Variants in ACTN4 observed in about 807,000 individuals in gnomAD.
ACTN4 encodes actinin alpha 4.
Under a neutral mutation model 114.2 loss-of-function variants are expected in ACTN4, and 18 were observed. The observed-to-expected ratio is 0.16, with a 90% CI of 0.11 to 0.23. The LOEUF (loss-of-function observed/expected upper bound fraction) is 0.23, where lower values mean the gene tolerates loss of function less well. ACTN4 is among the 10% of genes least tolerant of loss of function. The pLI is 1.00. For synonymous variants in ACTN4, 515 were observed against 506.3 expected, an observed-to-expected ratio of 1.02 and a Z score of -0.23; for missense variants, 722 against 1,262.9, an observed-to-expected ratio of 0.57 and a Z score of 6.49.
intron 1 of ACTN4, among the ~76,000 whole-genome samples, chr19:38,673,822 A>C (rs1209057441): frequency 4.4e-5 from 5 of 113,664 alleles, no homozygotes. Flanking sequence ...AGTCTCTATC[A>C]CCCAGGCTGG....
Position 38,708,113 on chromosome 19 carries a change from C to G in ACTN4, c.573-4C>G, listed in dbSNP as rs2145022669. The G allele has an allele frequency of 1.2e-6, 2 of 1,614,178 alleles. No individual in the cohort carries two copies. The highest frequency in any genetic ancestry group is 1.7e-6 in the Non-Finnish European group (2 of 1,179,992). On this transcript the variant is annotated splice_region_variant and splice_polypyrimidine_tract_variant and intron_variant, in intron 5 of 20. Coordinates refer to ENST00000252699, the MANE Select transcript of ACTN4 (RefSeq NM_004924.6). ...TCCTATAACCTTTGCCTTTCCTTCC[C>G]CAGCTGGAAGGATGGTCTTGCCTTC...
At chr19:38,722,252 G>A (rs1223400524) in intron 12 of ACTN4, among the ~76,000 whole-genome samples, 4 of 152,206 alleles carry the variant, frequency 2.6e-5, no homozygotes, top group African/African-American at 9.7e-5. Context: ...CACCAGTGCA[G>A]CGGCCAGCAG....
At chr19:38,716,672 A>G (rs193047785) in intron 9 of ACTN4, among the ~76,000 whole-genome samples, 2 of 152,320 alleles carry the variant, frequency 1.3e-5, no homozygotes, top group Admixed American at 1.3e-4. Context: ...TTCTCTATAA[A>G]AACTTAAAAT....
chr19:38,700,934 C>T lies in ACTN4; in HGVS notation c.278-68C>T, dbSNP rs1968251498. The T allele has an allele frequency of 3.1e-5, 50 of 1,593,880 alleles. 3 individuals are homozygous for T. In the South Asian group the frequency reaches 3.8e-4, roughly 12 times the overall value. On this transcript the variant is annotated intron_variant, in intron 2 of 20. Transcript: ENST00000252699. ...ACAGAGGAGACTCTAAAGCCTCTCT[C>T]CCTCTCGCCCTCTCTCCCTTTCTCT...
intron 19 of ACTN4, 110 bp from the exon 20 acceptor site, chr19:38,728,886 G>T: frequency 7.1e-7 from 1 of 1,399,796 alleles, no homozygotes; most frequent in Non-Finnish European, 1.0e-6. Context: ...CGCACACGTG[G>T]GTTGGGCCCT....
At position 38,731,305 on chromosome 19, in the gene ACTN4, G is replaced by A; in HGVS notation, c.*1873G>A. The A allele has an allele frequency of 9.4e-7, 1 of 1,064,848 alleles. No individual in the cohort carries two copies. The highest frequency in any genetic ancestry group is 1.4e-6 in the Non-Finnish European group (1 of 692,260). The allele number at this position is 1,064,848 out of a possible 1,614,324, so 66.0% of individuals were successfully genotyped here. On this transcript the variant is annotated 3_prime_UTR_variant, in exon 21 of 21. Transcript: ENST00000252699. ...CATCCCCACCCCACCTCCTCAGGGAGGACATGAATGCCACAGGGTGTCACA... is the reference window on the plus strand; with the variant it reads ...CATCCCCACCCCACCTCCTCAGGGAAGACATGAATGCCACAGGGTGTCACA...
chr19:38,700,805 A>T (rs1296779951), intron 2 of ACTN4, 91 bp downstream of exon 2: 1 of 1,409,542 alleles, frequency 7.1e-7, no homozygotes, highest in African/African-American at 1.4e-5. Flanking sequence ...CAGCTGTCCC[A>T]TTGCTCCTGG....
At chr19:38,648,193 A>G (rs567981525) in intron 1 of ACTN4, 42 of 314,748 alleles carry the variant, frequency 1.3e-4, no homozygotes, top group Middle Eastern at 8.6e-4. Flanking sequence ...TGGGCGTGCC[A>G]TTAGGGGAAA....
At chr19:38,648,919 A>G (rs539232070) in intron 1 of ACTN4, among the ~76,000 whole-genome samples, 1 of 151,848 alleles carries the variant, frequency 6.6e-6, no homozygotes, top group South Asian at 2.1e-4. Context: ...ATAATGGGAG[A>G]GAGGTTCGTT....
In ACTN4 at chr19:38,710,059, G is replaced by A. The variant is rs574704708; in HGVS notation, c.734-198G>A. Among the ~76,000 whole-genome samples the A allele has an allele frequency of 7.2e-5, 11 of 152,148 alleles. No individual in the cohort carries two copies. In the East Asian group the frequency reaches 1.6e-3, roughly 21 times the overall value. On this transcript the variant is annotated intron_variant, in intron 7 of 20. Coordinates refer to ENST00000252699, the MANE Select transcript of ACTN4 (RefSeq NM_004924.6). ...AGAGGAAGTGGCCTCATTTTAATCCGCTTCCCACAGCCTTGTCCTTTCCAG... is the reference window on the plus strand; with the variant it reads ...AGAGGAAGTGGCCTCATTTTAATCCACTTCCCACAGCCTTGTCCTTTCCAG...
chr19:38,721,709 C>T, intron 12 of ACTN4, 21 bp downstream of exon 12: 6 of 1,609,870 alleles, frequency 3.7e-6, no homozygotes, highest in Non-Finnish European at 5.1e-6. Context: ...GCTCAGGACA[C>T]TATCATCACC....
intron 1 of ACTN4, among the ~76,000 whole-genome samples, chr19:38,679,388 C>G (rs145549268): frequency 6.6e-6 from 1 of 152,264 alleles, no homozygotes; most frequent in African/African-American, 2.4e-5. Context: ...CTCCCCTCAA[C>G]CTCTGCAATA....
Position 38,724,159 on chromosome 19 carries a change from C to T in ACTN4, c.1695C>T (p.Gly565=). The change falls in exon 15 of 21, where the codon GGC becomes GGT. Residue 565 remains glycine, a splice_region_variant and synonymous_variant. Coordinates refer to ENST00000252699, the MANE Select transcript of ACTN4 (RefSeq NM_004924.6). The surrounding 1 kb of genome is among the most constrained non-coding windows in gnomAD (Gnocchi z 7.0). ...CCTCACTCCAGCTCCTCCCCTAGGG[C>T]CTGATCTCAGCCCATGACCAGTTCA... is the stretch of plus-strand genomic sequence containing the variant. ...FIVHTIEEIE[G]LISAHDQFKS... is the part of the protein sequence containing the mutation. The T allele has an allele frequency of 6.2e-7, 1 of 1,613,846 alleles. No individual in the cohort carries two copies. Among genetic ancestry groups the T allele is most frequent in the Middle Eastern group, 1.7e-4 (1 of 6,060 alleles).
intron 1 of ACTN4, among the ~76,000 whole-genome samples, chr19:38,670,693 G>A (rs1023290430): frequency 1.3e-5 from 2 of 152,246 alleles, no homozygotes; most frequent in African/African-American, 4.8e-5. Context: ...GGGAGGCTGA[G>A]GAGGGTGGAT....
At chr19:38,694,321 G>A (rs1308026393) in intron 1 of ACTN4, among the ~76,000 whole-genome samples, 2 of 151,052 alleles carry the variant, frequency 1.3e-5, no homozygotes. Context: ...GTGCAGTGGC[G>A]CGATCTTGGC....
chr19:38,728,452 C>G (rs1278956092), intron 19 of ACTN4: 6 of 1,032,794 alleles, frequency 5.8e-6, no homozygotes, highest in African/African-American at 1.6e-5. Flanking sequence ...TCCTCCTCCC[C>G]CCCACCTCTC....
At chr19:38,675,486 G>A (rs892446995) in intron 1 of ACTN4, among the ~76,000 whole-genome samples, 1 of 152,170 alleles carries the variant, frequency 6.6e-6, no homozygotes, top group African/African-American at 2.4e-5. Context: ...CCTCCACCTT[G>A]GTCTCCCAAA....
At chr19:38,667,083 G>C (rs1966985248) in intron 1 of ACTN4, among the ~76,000 whole-genome samples, 2 of 152,128 alleles carry the variant, frequency 1.3e-5, no homozygotes, top group African/African-American at 2.4e-5. Context: ...GGGAAGTCTT[G>C]TTTTCCTAAA....
At chr19:38,720,914 G>A (rs994981655) in intron 11 of ACTN4, among the ~76,000 whole-genome samples, 3 of 152,242 alleles carry the variant, frequency 2.0e-5, no homozygotes, top group African/African-American at 7.2e-5. Context: ...TCACTTGCTT[G>A]CAGGGCTTCC....
Sources: allele counts gnomAD v4.1 joint callset (sites outside exome capture counted in the v4.1 genomes callset), GRCh38; gene constraint gnomAD v4.1.1; non-coding constraint Gnocchi (gnomAD v3.1); transcripts MANE v1.5; gene names NCBI Gene and HGNC (gene_info 2026-07-23, HGNC 2026-07-21).